GPC5: variants seen among roughly 807,000 people sequenced by gnomAD.
GPC5 encodes the protein glypican-5.
Under a neutral mutation model 53.9 loss-of-function variants are expected in GPC5, and 47 were observed. The observed-to-expected ratio is 0.87, with a 90% CI of 0.69 to 1.11. The LOEUF is 1.11. Ranked by LOEUF, GPC5 falls within the 50% of genes most tolerant of loss-of-function variation. GPC5 has a pLI of 0.00. For synonymous variants in GPC5, 286 were observed against 263.3 expected (o/e 1.09, Z -0.84); for missense variants, 748 against 713.1 (o/e 1.05, Z -0.56).
At chr13:92,187,950 CATTTT>C (rs1280857886) in intron 7 of GPC5, among the ~76,000 whole-genome samples, 6 of 152,186 alleles carry the variant, frequency 3.9e-5, no homozygotes, top group Admixed American at 3.3e-4. Context: ...GTGCCACTGA[CATTTT>C]ATTATTTATT....
intron 2 of GPC5, among the ~76,000 whole-genome samples, chr13:91,642,728 T>TA (rs1555333191): frequency 6.6e-6 from 1 of 150,568 alleles, no homozygotes; most frequent in Non-Finnish European, 1.5e-5. Context: ...TTTTTTTTTT[T>TA]AAGTAAATGA....
At chr13:92,662,819 C>T (rs774292971) in intron 7 of GPC5, among the ~76,000 whole-genome samples, 1 of 152,170 alleles carries the variant, frequency 6.6e-6, no homozygotes, top group Non-Finnish European at 1.5e-5. Context: ...TAAAGCTGTT[C>T]TCCTTGGGCT....
At chr13:91,501,693 C>A (rs1884647023) in intron 2 of GPC5, among the ~76,000 whole-genome samples, 1 of 152,134 alleles carries the variant, frequency 6.6e-6, no homozygotes. Flanking sequence ...GTGAATAATG[C>A]CACAATAAAC....
chr13:92,052,085 T>C (rs2041034430), intron 6 of GPC5, among the ~76,000 whole-genome samples: 1 of 152,214 alleles, frequency 6.6e-6, no homozygotes, highest in Admixed American at 6.5e-5. Flanking sequence ...TTAGGTCTGA[T>C]CCATGCTTGG....
intron 7 of GPC5, among the ~76,000 whole-genome samples, chr13:92,520,998 C>A (rs1169422324): frequency 1.3e-5 from 2 of 152,000 alleles, no homozygotes; most frequent in Non-Finnish European, 2.9e-5. Context: ...AAACAGAGAG[C>A]CAAATCATGA....
Position 91,399,133 on chromosome 13 carries a change from C to A in GPC5, c.87C>A (p.Thr29=). 1.2e-6 allele frequency: 2 copies of A among 1,613,126 alleles called. No individual in the cohort carries two copies. Among genetic ancestry groups the A allele is most frequent in the Non-Finnish European group, 1.7e-6 (2 of 1,179,672 alleles). The change falls in exon 1 of 8, where the codon ACC becomes ACA. Residue 29 remains threonine, a synonymous_variant. Coordinates refer to ENST00000377067, the MANE Select transcript of GPC5 (RefSeq NM_004466.6). ...VGSARSEGVQ[T]CEEVRKLFQW... ...CCGCCCGCAGCGAGGGCGTGCAGAC[C>A]TGCGAAGAAGTTCGGAAACTTTTCC... is the stretch of plus-strand genomic sequence containing the variant.
At chr13:91,751,404 G>A (rs1333083536) in intron 4 of GPC5, among the ~76,000 whole-genome samples, 2 of 152,192 alleles carry the variant, frequency 1.3e-5, no homozygotes, top group East Asian at 1.9e-4. Context: ...CATTGGTTGA[G>A]AACAATAACA....
intron 5 of GPC5, among the ~76,000 whole-genome samples, chr13:91,868,746 C>CA (rs2039111564): frequency 6.6e-6 from 1 of 151,994 alleles, no homozygotes; most frequent in South Asian, 2.1e-4. Flanking sequence ...AAAAAGAACA[C>CA]AAAAAATGAG....
At chr13:91,869,105 G>T (rs541493041) in intron 5 of GPC5, among the ~76,000 whole-genome samples, 1 of 152,068 alleles carries the variant, frequency 6.6e-6, no homozygotes, top group Non-Finnish European at 1.5e-5. Flanking sequence ...GTGCATTGGC[G>T]TGGGAGTGCC....
At chr13:92,759,116 T>C (rs1875051059) in intron 7 of GPC5, among the ~76,000 whole-genome samples, 1 of 151,616 alleles carries the variant, frequency 6.6e-6, no homozygotes, top group Admixed American at 6.6e-5. Context: ...GTTTGTCTGT[T>C]TTTATGCCAG....
chr13:91,927,994 ATAGATTGATGT>A (rs2039784909), intron 6 of GPC5, among the ~76,000 whole-genome samples: 1 of 152,232 alleles, frequency 6.6e-6, no homozygotes, highest in South Asian at 2.1e-4. Flanking sequence ...AAATCAATAA[ATAGATTGATGT>A]TAGTAAGATA....
intron 3 of GPC5, among the ~76,000 whole-genome samples, chr13:91,712,997 C>A (rs1166461716): frequency 6.6e-6 from 1 of 152,112 alleles, no homozygotes; most frequent in Non-Finnish European, 1.5e-5. Flanking sequence ...TTGAGACCAG[C>A]CTGGGAAACA....
chr13:92,315,525 G>A (rs574322540), intron 7 of GPC5, among the ~76,000 whole-genome samples: 10 of 152,252 alleles, frequency 6.6e-5, no homozygotes, highest in Non-Finnish European at 1.0e-4. Context: ...TATGCTTTCC[G>A]AAGTCAGTTG....
intron 6 of GPC5, among the ~76,000 whole-genome samples, chr13:91,969,366 C>CA (rs2139088261): frequency 6.6e-6 from 1 of 152,026 alleles, no homozygotes; most frequent in East Asian, 1.9e-4. Flanking sequence ...GTTATGAACA[C>CA]AAAAAAGTTA....
chr13:92,278,310 A>G (rs2042890262), intron 7 of GPC5, among the ~76,000 whole-genome samples: 1 of 152,014 alleles, frequency 6.6e-6, no homozygotes, highest in Non-Finnish European at 1.5e-5. Flanking sequence ...CCACTTTGAT[A>G]ATAAATCTAT....
intron 6 of GPC5, among the ~76,000 whole-genome samples, chr13:92,132,086 A>G (rs577913524): frequency 1.4e-4 from 22 of 152,282 alleles, no homozygotes; most frequent in African/African-American, 5.3e-4. Context: ...TACAGCAATT[A>G]AAGAACCGTT....
intron 4 of GPC5, among the ~76,000 whole-genome samples, chr13:91,749,753 T>G (rs1457762203): frequency 6.6e-6 from 1 of 152,242 alleles, no homozygotes; most frequent in African/African-American, 2.4e-5. Context: ...CATCTGTTAT[T>G]TTTTGACTTT....
chr13:92,241,654 G>T (rs2042612302), intron 7 of GPC5: 1 of 152,124 alleles, frequency 6.6e-6, no homozygotes, highest in Non-Finnish European at 1.5e-5. Context: ...TCTGAAAATA[G>T]AGAATAACTT....
chr13:92,425,301 A>C (rs1876783068), intron 7 of GPC5, among the ~76,000 whole-genome samples: 1 of 152,104 alleles, frequency 6.6e-6, no homozygotes, highest in Non-Finnish European at 1.5e-5. Flanking sequence ...TTAAATATAA[A>C]TAGTTTCTAG....
Sources: allele counts gnomAD v4.1 joint callset (sites outside exome capture counted in the v4.1 genomes callset), GRCh38; gene constraint gnomAD v4.1.1; transcripts MANE v1.5; gene names NCBI Gene and HGNC (gene_info 2026-07-23, HGNC 2026-07-21).